Variants in RALGDS observed in about 807,000 individuals in gnomAD.
The protein encoded by RALGDS is ral guanine nucleotide exchange factor.
A neutral mutation model predicts 99.8 loss-of-function variants in RALGDS; 44 were observed. That is an observed-to-expected ratio of 0.44 (90% confidence interval 0.35 to 0.57). The LOEUF (loss-of-function observed/expected upper bound fraction) is 0.57. Ranked by LOEUF, RALGDS falls within the 20% of genes least tolerant of loss-of-function variation. The probability of loss-of-function intolerance (pLI) is 0.01; values close to 1 mark genes in which losing one functional copy is unlikely to be tolerated. For missense variants in RALGDS, 1,022 were observed against 1,203.1 expected (o/e 0.85, Z 2.23); for synonymous variants, 529 against 505.0 (o/e 1.05, Z -0.64).
chr9:133,136,513 C>T (rs534772069), intron 1 of RALGDS, among the ~76,000 whole-genome samples: 191 of 152,306 alleles, frequency 1.3e-3, no homozygotes, highest in African/African-American at 4.2e-3. Context: ...CGGTGGCTCA[C>T]GCCTGTAATC....
intron 1 of RALGDS, among the ~76,000 whole-genome samples, chr9:133,145,945 T>C (rs1832615937): frequency 6.6e-6 from 1 of 152,184 alleles, no homozygotes; most frequent in Non-Finnish European, 1.5e-5. Flanking sequence ...ACCTCTGGCC[T>C]TTACAACTGT....
chr9:133,104,980 A>T (rs945515660), intron 9 of RALGDS, among the ~76,000 whole-genome samples: 3 of 152,156 alleles, frequency 2.0e-5, no homozygotes, highest in African/African-American at 7.2e-5. Context: ...TGAGATGGGC[A>T]GTGACTTGCC....
At chr9:133,148,931 G>A in intron 1 of RALGDS, 1 of 1,600,572 alleles carries the variant, frequency 6.2e-7, no homozygotes, top group Non-Finnish European at 8.5e-7. Flanking sequence ...CCCTCCACCC[G>A]CGACGCGAGG....
intron 1 of RALGDS, chr9:133,129,280 G>A (rs747441191): frequency 2.9e-5 from 46 of 1,594,126 alleles, no homozygotes; most frequent in South Asian, 1.8e-4. Context: ...CCCTGGGCAC[G>A]GCAGGCCTGG....
At position 133,129,813 on chromosome 9, in the gene RALGDS, T is replaced by C. The variant is rs76898437; in HGVS notation, c.132+1139A>G. Among the ~76,000 whole-genome samples, 627 of 127,106 alleles carry C rather than the reference T, an allele frequency of 4.9e-3. 4 individuals are homozygous for C. The East Asian group carries it at 0.067, about 14-fold the overall frequency. The allele number at this position is 127,106 out of a possible 152,430, so 83.4% of individuals were successfully genotyped here. ...CAGGCACGAGATTTCCTTTCTTCTT[T>C]TTTTTTTTTTTTTTTTCCCTGAGAT... On this transcript the variant is annotated intron_variant, in intron 1 of 17. Coordinates refer to the RALGDS transcript ENST00000372062.
upstream of RALGDS, chr9:133,131,284 G>GTGGGT (rs1832326522): frequency 4.3e-6 from 1 of 230,540 alleles, no homozygotes; most frequent in African/African-American, 2.4e-5. Flanking sequence ...GCATGTGGGG[G>GTGGGT]TGGGCTGGGC....
At chr9:133,136,312 G>A (rs1832424873) in intron 1 of RALGDS, among the ~76,000 whole-genome samples, 1 of 152,256 alleles carries the variant, frequency 6.6e-6, no homozygotes, top group Non-Finnish European at 1.5e-5. Flanking sequence ...TGAGGGGGCA[G>A]CGCGGGTATG....
rs1177235191 is a variant in RALGDS, at chr9:133,121,128, C to T, written c.27G>A (p.Ala9=). The part of the protein sequence containing the change: MVQRMWAE[A]AGPAGGAEPL... ...GCTCGGCGCCGCCAGCAGGCCCGGC[C>T]GCCTCGGCCCACATGCGCTGCACCA... Residue 9 remains alanine, a synonymous_variant, in exon 1 of 18, where the codon GCG becomes GCA. Transcript: ENST00000372050. The T allele has an allele frequency of 1.4e-5, 20 of 1,453,210 alleles. No individual in the cohort carries two copies. Among genetic ancestry groups the T allele is most frequent in the Admixed American group, 2.4e-5 (1 of 40,834 alleles). 90.0% of individuals were successfully genotyped at this position (1,453,210 alleles called of 1,614,324 possible).
At chr9:133,128,810 A>T (rs1422993147) in intron 1 of RALGDS, among the ~76,000 whole-genome samples, 1 of 152,318 alleles carries the variant, frequency 6.6e-6, no homozygotes, top group East Asian at 1.9e-4. Context: ...ACAGTGAAGC[A>T]GTGCACAGAA....
upstream of RALGDS, among the ~76,000 whole-genome samples, chr9:133,135,102 G>A (rs1832404522): frequency 6.6e-6 from 1 of 152,152 alleles, no homozygotes; most frequent in Non-Finnish European, 1.5e-5. Context: ...CCTGTGTGTG[G>A]TGGGGAGGCA....
intron 1 of RALGDS, among the ~76,000 whole-genome samples, chr9:133,116,249 G>C (rs576516766): frequency 6.6e-6 from 1 of 152,218 alleles, no homozygotes; most frequent in Non-Finnish European, 1.5e-5. Context: ...AGGCCAGCCC[G>C]GGGTGTGGGT....
At chr9:133,133,722 G>A (rs1459982392), upstream of RALGDS, among the ~76,000 whole-genome samples, 3 of 152,192 alleles carry the variant, frequency 2.0e-5, no homozygotes, top group South Asian at 4.1e-4. Context: ...CAGGACACAC[G>A]ACCTACCAGT....
chr9:133,148,452 CCCCTG>C (rs1832662171), intron 1 of RALGDS, among the ~76,000 whole-genome samples: 2 of 152,120 alleles, frequency 1.3e-5, no homozygotes, highest in South Asian at 4.1e-4. Flanking sequence ...GTACTGGATG[CCCCTG>C]CCCGTGGCAG....
In RALGDS at chr9:133,101,139, C is replaced by A. The variant is rs761906484; in HGVS notation, c.2454+381G>T. The A allele has an allele frequency of 8.6e-6, 10 of 1,162,878 alleles. No individual in the cohort carries two copies. In the East Asian group the frequency reaches 4.7e-4, roughly 55 times the overall value. 72.0% of individuals were successfully genotyped at this position (1,162,878 alleles called of 1,614,324 possible). ...TGCCACAGCGGCCTCCTAACCAACA[C>A]CCCTGCGGCTCTGGTACCAGCCCAC... On this transcript the variant is annotated intron_variant, in intron 16 of 17. Transcript: ENST00000372050.
At chr9:133,103,394 T>C (rs1170656140) in intron 11 of RALGDS, 132 bp from the exon 12 acceptor site, 8 of 1,157,654 alleles carry the variant, frequency 6.9e-6, no homozygotes, top group Non-Finnish European at 2.6e-6. Flanking sequence ...AAGCCGGTGC[T>C]GGGCACCAGG....
At chr9:133,109,952 C>T (rs575601687) in intron 3 of RALGDS, among the ~76,000 whole-genome samples, 219 of 152,286 alleles carry the variant, frequency 1.4e-3, no homozygotes, top group African/African-American at 4.9e-3. Flanking sequence ...AGATAGAATC[C>T]GGAATCTCCT....
chr9:133,128,872 G>A (rs1326253197), intron 1 of RALGDS, among the ~76,000 whole-genome samples: 1 of 152,204 alleles, frequency 6.6e-6, no homozygotes. Flanking sequence ...AGGACAGCCC[G>A]CAGCCACCCT....
intron 1 of RALGDS, chr9:133,148,917 T>G (rs1832669605): frequency 6.3e-7 from 1 of 1,592,132 alleles, no homozygotes; most frequent in African/African-American, 1.3e-5. Context: ...GGGCATACGG[T>G]CCTCCCTCCA....
At chr9:133,102,283 T>C in intron 14 of RALGDS, 144 bp from the exon 15 acceptor site, 1 of 1,105,112 alleles carries the variant, frequency 9.0e-7, no homozygotes, top group Non-Finnish European at 1.3e-6. Context: ...GGGAGAGCAT[T>C]TAGTATCACC....
Sources: gnomAD v4.1 joint callset for allele counts (sites outside exome capture counted in the v4.1 genomes callset) on GRCh38, gnomAD v4.1.1 for gene constraint, MANE v1.5 for transcripts, NCBI Gene and HGNC (gene_info 2026-07-23, HGNC 2026-07-21) for gene names.